The following SMS variants were observed in gnomAD, a reference collection of about 807,000 sequenced individuals.
SMS encodes the protein spermine synthase.
A neutral mutation model predicts 33.0 loss-of-function variants in SMS; 3 were observed. The observed-to-expected ratio is 0.09, with a 90% CI of 0.04 to 0.23. SMS has a LOEUF of 0.23. SMS is among the 10% of genes least tolerant of loss of function. SMS has a pLI of 1.00. For missense variants in SMS, 117 were observed against 288.6 expected, an observed-to-expected ratio of 0.41 and a Z score of 4.31; for synonymous variants, 103 against 112.2, an observed-to-expected ratio of 0.92 and a Z score of 0.52.
intron 4 of SMS, among the ~76,000 whole-genome samples, chrX:21,976,460 A>G (rs764503789): frequency 9.0e-6 from 1 of 111,452 alleles, no homozygotes; most frequent in East Asian, 2.8e-4. Flanking sequence ...CTAACCATGA[A>G]GAGTGAGAGA....
intron 2 of SMS, among the ~76,000 whole-genome samples, chrX:21,968,608 T>C (rs772621317): frequency 1.8e-5 from 2 of 112,106 alleles, no homozygotes; most frequent in Non-Finnish European, 3.8e-5. Context: ...AGCACTGTTA[T>C]GACTGATGAT....
At chrX:21,972,269 C>T (rs1240905250) in intron 3 of SMS, among the ~76,000 whole-genome samples, 2 of 111,619 alleles carry the variant, frequency 1.8e-5, no homozygotes, top group African/African-American at 6.5e-5. Flanking sequence ...ACCCTTTAGC[C>T]TTCCTCTTCC....
intron 1 of SMS, among the ~76,000 whole-genome samples, chrX:21,961,703 C>G (rs1923365603): frequency 9.0e-6 from 1 of 111,463 alleles, no homozygotes; most frequent in African/African-American, 3.3e-5. Flanking sequence ...TGAACAAACA[C>G]ACAAAGTAGG....
intron 10 of SMS, among the ~76,000 whole-genome samples, chrX:21,993,119 G>C (rs1016185836): frequency 5.3e-5 from 6 of 112,182 alleles, no homozygotes; most frequent in Non-Finnish European, 9.4e-5. Context: ...TGTTCTACCA[G>C]CCCTCCCAGG....
intron 1 of SMS, among the ~76,000 whole-genome samples, chrX:21,965,830 C>CCT (rs1486429976): frequency 9.9e-5 from 11 of 110,781 alleles, no homozygotes; most frequent in Non-Finnish European, 1.9e-4. Flanking sequence ...GTGGTTCGCA[C>CCT]CTGTAGTCCC....
chrX:21,944,539 A>AAAAAAAAAAAAAAAAG (rs776946474), intron 1 of SMS, among the ~76,000 whole-genome samples: 11 of 81,400 alleles, frequency 1.4e-4, no homozygotes, highest in Non-Finnish European at 1.9e-4. Context: ...AAAAAAAAAA[A>AAAAAAAAAAAAAAAAG]AAAAAAGAAA....
rs201609267 is a variant in SMS, at chrX:21,960,713, AAGGCTCTG to A, written c.50-6482_50-6475del. ...GCCTCATTTTGCAGAGGACAACGTC[AAGGCTCTG>A]GCCTGTGGAATCTGATGGCTCTGCC... On this transcript the variant is annotated intron_variant, in intron 1 of 10. Coordinates refer to ENST00000404933, the MANE Select transcript of SMS (RefSeq NM_004595.5). Among the ~76,000 whole-genome samples the A allele has an allele frequency of 5.8e-3, 652 of 111,957 alleles. 4 individuals are homozygous for A. Among genetic ancestry groups the A allele is most frequent in the African/African-American group, 0.019 (597 of 30,763 alleles).
chrX:21,950,393 A>G (rs1367728748), intron 1 of SMS, among the ~76,000 whole-genome samples: 1 of 102,835 alleles, frequency 9.7e-6, no homozygotes, highest in Non-Finnish European at 2.0e-5. Flanking sequence ...AGAGCTTACT[A>G]TTAACTCCCT....
intron 2 of SMS, among the ~76,000 whole-genome samples, chrX:21,968,471 G>A (rs1569347705): frequency 9.0e-6 from 1 of 111,719 alleles, no homozygotes; most frequent in East Asian, 2.8e-4. Context: ...GGCAGGCAAT[G>A]ATCTCCTGGG....
chrX:21,978,743 C>A (rs970508758), intron 6 of SMS, 134 bp from the exon 7 acceptor site: 1 of 542,117 alleles, frequency 1.8e-6, no homozygotes. Context: ...GTCACTGCCT[C>A]ATTCATCATT....
At chrX:21,979,348 T>A (rs1442210185) in intron 7 of SMS, among the ~76,000 whole-genome samples, 2 of 109,788 alleles carry the variant, frequency 1.8e-5, no homozygotes, top group African/African-American at 6.6e-5. Context: ...ATGCTATCCT[T>A]CCCCTAGCCC....
intron 1 of SMS, among the ~76,000 whole-genome samples, chrX:21,964,062 ATT>A (rs372817561): frequency 1.6e-4 from 15 of 94,994 alleles, no homozygotes; most frequent in South Asian, 4.8e-4. Flanking sequence ...TTGAAATCAG[ATT>A]TTTTTTTTTT....
intron 4 of SMS, among the ~76,000 whole-genome samples, chrX:21,976,499 CAGCAGAAT>C (rs1312942234): frequency 9.1e-6 from 1 of 109,956 alleles, no homozygotes; most frequent in African/African-American, 3.3e-5. Flanking sequence ...AGTCATTTTT[CAGCAGAAT>C]AGCTGGTCTG....
At chrX:21,982,761 T>C (rs1925051551) in intron 7 of SMS, among the ~76,000 whole-genome samples, 2 of 112,710 alleles carry the variant, frequency 1.8e-5, no homozygotes, top group African/African-American at 3.2e-5. Flanking sequence ...AAAGAGAACA[T>C]ACATTTGTGT....
chrX:21,956,564 T>C (rs1377339551), intron 1 of SMS, among the ~76,000 whole-genome samples: 1 of 110,344 alleles, frequency 9.1e-6, no homozygotes, highest in Admixed American at 9.6e-5. Flanking sequence ...CCGCCTCCTG[T>C]GTTCAAGTGA....
intron 7 of SMS, 138 bp downstream of exon 7, chrX:21,979,104 T>C (rs1419734915): frequency 1.6e-5 from 8 of 497,380 alleles, no homozygotes; most frequent in Admixed American, 1.4e-4. Flanking sequence ...ATATGAGTTA[T>C]ATGTATATTT....
intron 7 of SMS, among the ~76,000 whole-genome samples, chrX:21,980,429 A>AAAAAAAAATATAT (rs1260210326): frequency 1.6e-5 from 1 of 63,039 alleles, no homozygotes; most frequent in Non-Finnish European, 3.1e-5. Context: ...AAAAAAAAAA[A>AAAAAAAAATATAT]ATATATATAT....
At chrX:21,972,437 G>C in intron 3 of SMS, 70 bp from the exon 4 acceptor site, 1 of 700,464 alleles carries the variant, frequency 1.4e-6, no homozygotes, top group Non-Finnish European at 2.3e-6. Flanking sequence ...GGCCTCAGTC[G>C]TTGGGTCTGT....
chrX:21,965,119 T>C (rs772392938), intron 1 of SMS, among the ~76,000 whole-genome samples: 4 of 111,954 alleles, frequency 3.6e-5, no homozygotes, highest in Admixed American at 2.8e-4. Context: ...AGGGCACTTG[T>C]CATTGGGTTT....
Sources: allele counts gnomAD v4.1 joint callset (sites outside exome capture counted in the v4.1 genomes callset), GRCh38; gene constraint gnomAD v4.1.1; transcripts MANE v1.5; gene names NCBI Gene and HGNC (gene_info 2026-07-23, HGNC 2026-07-21).